IPCEF1: variants seen among roughly 807,000 people sequenced by gnomAD.
IPCEF1 encodes interaction protein for cytohesin exchange factors 1.
Under a neutral mutation model 50.9 loss-of-function variants are expected in IPCEF1, and 31 were observed. The observed-to-expected ratio is 0.61, with a 90% confidence interval of 0.46 to 0.82. The LOEUF is 0.82. Ranked by LOEUF, IPCEF1 falls within the 40% of genes least tolerant of loss-of-function variation. The pLI, the probability that IPCEF1 is intolerant of heterozygous loss-of-function variation, is 0.00. For synonymous variants in IPCEF1, 181 were observed against 192.0 expected, an observed-to-expected ratio of 0.94 and a Z score of 0.47; for missense variants, 458 against 514.0, an observed-to-expected ratio of 0.89 and a Z score of 1.05.
At chr6:154,230,653 T>C (rs562834427) in intron 5 of IPCEF1, among the ~76,000 whole-genome samples, 1 of 152,218 alleles carries the variant, frequency 6.6e-6, no homozygotes, top group African/African-American at 2.4e-5. Context: ...TATAGGAAAC[T>C]GTCATGTAGT....
At chr6:154,313,623 A>G (rs1303428966) in intron 1 of IPCEF1, among the ~76,000 whole-genome samples, 1 of 152,200 alleles carries the variant, frequency 6.6e-6, no homozygotes, top group African/African-American at 2.4e-5. Flanking sequence ...TTAAGGCTTT[A>G]CTGTACGGTT....
At chr6:154,291,820 G>A (rs1782522686) in intron 1 of IPCEF1, among the ~76,000 whole-genome samples, 1 of 151,856 alleles carries the variant, frequency 6.6e-6, no homozygotes, top group Admixed American at 6.6e-5. Context: ...AAGTAGCTGG[G>A]ACTACAGGTG....
At chr6:154,203,588 C>T (rs1423112156) in intron 9 of IPCEF1, among the ~76,000 whole-genome samples, 1 of 152,134 alleles carries the variant, frequency 6.6e-6, no homozygotes, top group Non-Finnish European at 1.5e-5. Context: ...GTGGGTTCTG[C>T]AGGACCCACT....
intron 5 of IPCEF1, among the ~76,000 whole-genome samples, chr6:154,240,270 C>T (rs1780475739): frequency 6.6e-6 from 1 of 152,158 alleles, no homozygotes; most frequent in Admixed American, 6.5e-5. Flanking sequence ...TTCTAGGATA[C>T]AGAAACACAG....
chr6:154,262,101 A>T (rs1447115685), intron 3 of IPCEF1, among the ~76,000 whole-genome samples: 1 of 152,248 alleles, frequency 6.6e-6, no homozygotes, highest in Non-Finnish European at 1.5e-5. Context: ...GAAATGCTTA[A>T]AAGAAATGTT....
chr6:154,308,085 G>A (rs1244424056), intron 1 of IPCEF1, among the ~76,000 whole-genome samples: 1 of 152,214 alleles, frequency 6.6e-6, no homozygotes, highest in Non-Finnish European at 1.5e-5. Flanking sequence ...GTAGTAAATA[G>A]TGGAAAGAAA....
intron 10 of IPCEF1, among the ~76,000 whole-genome samples, chr6:154,198,463 G>A (rs1776800243): frequency 6.6e-6 from 1 of 152,112 alleles, no homozygotes; most frequent in African/African-American, 2.4e-5. Context: ...AATCTAGATA[G>A]TTGGCCTAAA....
chr6:154,247,222 C>T, intron 4 of IPCEF1: 1 of 521,488 alleles, frequency 1.9e-6, no homozygotes, highest in South Asian at 2.9e-5. Flanking sequence ...GACTCACTGC[C>T]AGTTTTTCTA....
At chr6:154,214,093 C>T in intron 8 of IPCEF1, 125 bp downstream of exon 8, 1 of 701,400 alleles carries the variant, frequency 1.4e-6, no homozygotes. Context: ...TTCAGATCAT[C>T]TTAAATGCCA....
At position 154,299,122 on chromosome 6, in the gene IPCEF1, T is replaced by C. The variant is rs540003529; in HGVS notation, c.-61-9366A>G. Among the ~76,000 whole-genome samples the C allele has an allele frequency of 7.8e-5, 11 of 141,438 alleles. 1 individual carries two copies. Among genetic ancestry groups the C allele is most frequent in the South Asian group, 4.4e-4 (2 of 4,516 alleles). The allele number at this position is 141,438 out of a possible 152,430, so 92.8% of individuals were successfully genotyped here. On this transcript the variant is annotated intron_variant, in intron 1 of 11. Transcript: ENST00000367220. ...TCACAAATCAGTTGTGAATCATTCA[T>C]GCCTTAAAATCCTGTTGTCAGTGGT...
intron 11 of IPCEF1, among the ~76,000 whole-genome samples, chr6:154,163,166 C>T (rs1039475437): frequency 1.3e-5 from 2 of 152,208 alleles, no homozygotes; most frequent in Admixed American, 6.5e-5. Context: ...TTTGCAATGG[C>T]AATGAGATCC....
intron 1 of IPCEF1, among the ~76,000 whole-genome samples, chr6:154,324,411 T>A (rs1254954356): frequency 1.3e-5 from 2 of 151,010 alleles, no homozygotes; most frequent in Admixed American, 1.3e-4. Context: ...ATTTGAAAAA[T>A]AATAATAAAA....
intron 1 of IPCEF1, among the ~76,000 whole-genome samples, chr6:154,343,590 T>A (rs1423263406): frequency 6.6e-6 from 1 of 152,184 alleles, no homozygotes; most frequent in Non-Finnish European, 1.5e-5. Flanking sequence ...CCTCAACCTA[T>A]CAACCAGCCT....
At chr6:154,178,790 A>G (rs575210670) in intron 10 of IPCEF1, among the ~76,000 whole-genome samples, 24 of 152,224 alleles carry the variant, frequency 1.6e-4, no homozygotes, top group Non-Finnish European at 2.9e-4. Context: ...AAATAATGAA[A>G]GGCAAATTAT....
intron 1 of IPCEF1, among the ~76,000 whole-genome samples, chr6:154,319,200 A>T (rs1467422231): frequency 1.3e-5 from 2 of 152,228 alleles, no homozygotes; most frequent in Admixed American, 6.5e-5. Flanking sequence ...AACTGTTTAT[A>T]AAATTTTCAG....
At chr6:154,223,562 G>T (rs1242819399) in intron 5 of IPCEF1, among the ~76,000 whole-genome samples, 3 of 151,666 alleles carry the variant, frequency 2.0e-5, no homozygotes. Context: ...TAACCCAACA[G>T]TCATGTCTGC....
intron 5 of IPCEF1, among the ~76,000 whole-genome samples, chr6:154,242,894 A>AAGAAG (rs1156780573): frequency 6.6e-5 from 10 of 151,952 alleles, no homozygotes; most frequent in African/African-American, 2.2e-4. Context: ...TCTCAAAGAA[A>AAGAAG]AGAAAAGAAA....
intron 2 of IPCEF1, among the ~76,000 whole-genome samples, chr6:154,278,260 T>C (rs1782115421): frequency 6.6e-6 from 1 of 152,140 alleles, no homozygotes; most frequent in South Asian, 2.1e-4. Context: ...GGATTTTACA[T>C]CTGAAAGAGG....
intron 1 of IPCEF1, among the ~76,000 whole-genome samples, chr6:154,338,393 T>A (rs186145658): frequency 6.6e-6 from 1 of 152,226 alleles, no homozygotes; most frequent in African/African-American, 2.4e-5. Context: ...TCCAAATGTG[T>A]CCATCTTGTT....
Sources: allele counts gnomAD v4.1 joint callset (sites outside exome capture counted in the v4.1 genomes callset), GRCh38; gene constraint gnomAD v4.1.1; transcripts MANE v1.5; gene names NCBI Gene and HGNC (gene_info 2026-07-23, HGNC 2026-07-21).